The following NYAP2 variants were observed in gnomAD, a reference collection of about 807,000 sequenced individuals.
NYAP2 encodes neuronal tyrosine-phosphorylated phosphoinositide-3-kinase adaptor 2.
A neutral mutation model predicts 50.4 loss-of-function variants in NYAP2; 23 were observed. That is an observed-to-expected ratio of 0.46 (90% CI 0.33 to 0.65). NYAP2 has a LOEUF of 0.65. Ranked by LOEUF, NYAP2 falls within the 30% of genes least tolerant of loss-of-function variation. NYAP2 has a pLI of 0.02. For synonymous variants in NYAP2, 394 were observed against 365.2 expected, an observed-to-expected ratio of 1.08 and a Z score of -0.90; for missense variants, 885 against 861.0, an observed-to-expected ratio of 1.03 and a Z score of -0.35.
intron 3 of NYAP2, among the ~76,000 whole-genome samples, chr2:225,422,884 A>G (rs1448380687): frequency 2.0e-5 from 3 of 152,170 alleles, no homozygotes. Flanking sequence ...TACTATGACT[A>G]GTATTCTTCC....
At chr2:225,560,941 T>TTC (rs1480956218) in intron 4 of NYAP2, among the ~76,000 whole-genome samples, 3 of 151,486 alleles carry the variant, frequency 2.0e-5, no homozygotes, top group Non-Finnish European at 4.4e-5. Context: ...ACGTTTTTTT[T>TTC]TTTTTTTGGT....
intron 3 of NYAP2, among the ~76,000 whole-genome samples, chr2:225,436,669 T>A (rs748206490): frequency 2.0e-5 from 3 of 147,984 alleles, no homozygotes; most frequent in African/African-American, 7.5e-5. Flanking sequence ...ACCCATAATA[T>A]AACACATGCT....
chr2:225,598,204 G>A (rs1171340205), intron 5 of NYAP2, among the ~76,000 whole-genome samples: 1 of 152,094 alleles, frequency 6.6e-6, no homozygotes, highest in African/African-American at 2.4e-5. Context: ...ATTGTACAAA[G>A]GGCTGACTGA....
At chr2:225,636,253 G>A (rs1253029081) in intron 6 of NYAP2, among the ~76,000 whole-genome samples, 4 of 152,204 alleles carry the variant, frequency 2.6e-5, no homozygotes, top group Non-Finnish European at 4.4e-5. Flanking sequence ...AGGCAAATAA[G>A]AGAGGATAGA....
At chr2:225,474,131 A>G (rs1232453747) in intron 3 of NYAP2, among the ~76,000 whole-genome samples, 41 of 151,960 alleles carry the variant, frequency 2.7e-4, no homozygotes, top group Non-Finnish European at 1.2e-4. Context: ...GATGTGTGGC[A>G]TTATTTCTGA....
chr2:225,486,363 G>T (rs867853612), intron 3 of NYAP2, among the ~76,000 whole-genome samples: 12 of 152,208 alleles, frequency 7.9e-5, no homozygotes, highest in South Asian at 2.1e-4. Flanking sequence ...GAGTGCATGA[G>T]CTGAAAAGAA....
chr2:225,592,513 A>G (rs999344280), intron 5 of NYAP2, among the ~76,000 whole-genome samples: 1 of 152,220 alleles, frequency 6.6e-6, no homozygotes, highest in African/African-American at 2.4e-5. Flanking sequence ...TTTTTTAAAA[A>G]TACAATTCTT....
chr2:225,399,279 T>A (rs1056821036), upstream of NYAP2, among the ~76,000 whole-genome samples: 1 of 152,044 alleles, frequency 6.6e-6, no homozygotes, highest in Admixed American at 6.6e-5. Flanking sequence ...TTAAAACATG[T>A]ACATTTTAGT....
intron 3 of NYAP2, among the ~76,000 whole-genome samples, chr2:225,478,329 G>C (rs1432259188): frequency 8.6e-5 from 13 of 151,972 alleles, no homozygotes; most frequent in Non-Finnish European, 8.8e-5. Flanking sequence ...AGGAATCCAG[G>C]AAGAAGAAGC....
intron 4 of NYAP2, among the ~76,000 whole-genome samples, chr2:225,579,879 T>C (rs1412875255): frequency 6.6e-6 from 1 of 152,208 alleles, no homozygotes; most frequent in Non-Finnish European, 1.5e-5. Flanking sequence ...CAAATTATAA[T>C]TTAAGAGGGT....
At chr2:225,602,289 A>G (rs1692705545) in intron 5 of NYAP2, among the ~76,000 whole-genome samples, 1 of 152,228 alleles carries the variant, frequency 6.6e-6, no homozygotes. Flanking sequence ...CTCACGGTCA[A>G]TTACGGAGAG....
chr2:225,408,872 C>T, exon 3 of NYAP2: 1 of 1,581,270 alleles, frequency 6.3e-7, no homozygotes, highest in Non-Finnish European at 8.7e-7. Flanking sequence ...AGGCAGTGTT[C>T]CTCTTTACAT....
In NYAP2 at chr2:225,499,506, C is replaced by A. The variant is rs546607178; in HGVS notation, c.222-13865C>A. Among the ~76,000 whole-genome samples the A allele has an allele frequency of 5.3e-5, 8 of 151,628 alleles. No individual in the cohort carries two copies. The South Asian group carries it at 1.7e-3, about 32-fold the overall frequency. ...TTTTTTTTTGTATTTTTAGTAGAGA[C>A]GGGGTTTCATAGTGTTAGCCAGGAT... On this transcript the variant is annotated intron_variant, in intron 3 of 6. Transcript: ENST00000636099.
intron 4 of NYAP2, among the ~76,000 whole-genome samples, chr2:225,538,898 A>T (rs111493557): frequency 0.025 from 3,620 of 147,226 alleles, 173 homozygotes; most frequent in African/African-American, 0.086. Flanking sequence ...CAGAACATGC[A>T]GGCTTGTCAC....
intron 6 of NYAP2, among the ~76,000 whole-genome samples, chr2:225,646,887 C>T (rs896423586): frequency 1.3e-5 from 2 of 152,014 alleles, no homozygotes; most frequent in Non-Finnish European, 2.9e-5. Flanking sequence ...TAGAGCAAGA[C>T]GTTTCCAGGT....
At chr2:225,579,113 G>A (rs1404792423) in intron 4 of NYAP2, among the ~76,000 whole-genome samples, 1 of 151,928 alleles carries the variant, frequency 6.6e-6, no homozygotes, top group Non-Finnish European at 1.5e-5. Flanking sequence ...GAGAGAGAGA[G>A]AGAGAGAACT....
chr2:225,401,433 T>C (rs1258806726), intron 2 of NYAP2, among the ~76,000 whole-genome samples: 1 of 152,072 alleles, frequency 6.6e-6, no homozygotes, highest in Non-Finnish European at 1.5e-5. Flanking sequence ...CTTAGCACAT[T>C]TATGTCAGCA....
At chr2:225,587,442 C>G (rs1041325065) in intron 5 of NYAP2, among the ~76,000 whole-genome samples, 3 of 152,004 alleles carry the variant, frequency 2.0e-5, no homozygotes, top group Non-Finnish European at 2.9e-5. Flanking sequence ...CATGCACGCC[C>G]GGGGCAGAAG....
intron 3 of NYAP2, among the ~76,000 whole-genome samples, chr2:225,451,313 T>A (rs1178843724): frequency 1.3e-5 from 2 of 152,220 alleles, no homozygotes; most frequent in Non-Finnish European, 2.9e-5. Context: ...GGCTTTTTTC[T>A]AAGAATTTTA....
Sources: gnomAD v4.1 joint callset for allele counts (sites outside exome capture counted in the v4.1 genomes callset) on GRCh38, gnomAD v4.1.1 for gene constraint, MANE v1.5 for transcripts, NCBI Gene and HGNC (gene_info 2026-07-23, HGNC 2026-07-21) for gene names.